The following USP25 variants were observed in gnomAD, a reference collection of about 807,000 sequenced individuals.
USP25 encodes the protein ubiquitin carboxyl-terminal hydrolase 25.
A neutral mutation model predicts 158.5 loss-of-function variants in USP25; 85 were observed. The ratio of observed to expected loss-of-function variants is 0.54; its 90% CI spans 0.45 to 0.64. USP25 has a LOEUF of 0.64. USP25 is among the 30% of genes least tolerant of loss of function. The pLI is 0.00. For missense variants in USP25, 1,242 were observed against 1,327.3 expected, an observed-to-expected ratio of 0.94 and a Z score of 1.00; for synonymous variants, 464 against 460.4, an observed-to-expected ratio of 1.01 and a Z score of -0.10.
chr21:15,828,281 C>T (rs146498253), intron 14 of USP25, among the ~76,000 whole-genome samples: 19 of 152,224 alleles, frequency 1.2e-4, no homozygotes, highest in Non-Finnish European at 2.2e-4. Context: ...ATTAATCAAG[C>T]AAATAGTGTT....
At chr21:15,759,316 A>G (rs1003787977) in intron 1 of USP25, among the ~76,000 whole-genome samples, 20 of 152,228 alleles carry the variant, frequency 1.3e-4, no homozygotes, top group African/African-American at 4.8e-4. Context: ...TCTTAAGACA[A>G]GTCTCAATCA....
intron 4 of USP25, among the ~76,000 whole-genome samples, chr21:15,783,644 G>T (rs755481007): frequency 6.6e-6 from 1 of 151,898 alleles, no homozygotes; most frequent in Non-Finnish European, 1.5e-5. Context: ...GAATATATCC[G>T]GCAGTGCTAT....
intron 4 of USP25, among the ~76,000 whole-genome samples, chr21:15,789,840 C>T (rs1386670685): frequency 3.3e-5 from 5 of 151,974 alleles, no homozygotes; most frequent in Non-Finnish European, 5.9e-5. Flanking sequence ...TTATAAAAGT[C>T]AATAAAAAGT....
chr21:15,818,646 T>G, intron 9 of USP25, 52 bp from the exon 10 acceptor site: 1 of 1,496,938 alleles, frequency 6.7e-7, no homozygotes. Context: ...ACTCTTAATT[T>G]TAGTAGCCAG....
At position 15,826,407 on chromosome 21, in the gene USP25, T is replaced by C; in HGVS notation, c.1466+42T>C. On this transcript the variant is annotated intron_variant, in intron 13 of 25. Transcript: ENST00000400183. This position sits in a 1 kb window ranked among gnomAD's most constrained non-coding sequence, Gnocchi z 4.8. ...ATGCAAGAGACAGTTGTTACCTTTATTACACAATAATGTAACTGCTGCCTT... is the reference window on the plus strand; with the variant it reads ...ATGCAAGAGACAGTTGTTACCTTTACTACACAATAATGTAACTGCTGCCTT... 1 of 1,603,190 alleles carries C rather than the reference T, an allele frequency of 6.2e-7. No individual in the cohort carries two copies. The highest frequency in any genetic ancestry group is 8.5e-7 in the Non-Finnish European group (1 of 1,172,680).
chr21:15,855,914 T>G (rs2039114716), intron 20 of USP25, among the ~76,000 whole-genome samples: 1 of 152,260 alleles, frequency 6.6e-6, no homozygotes, highest in East Asian at 1.9e-4. Flanking sequence ...CATCTTTTAC[T>G]CTAGGTCCTT....
At chr21:15,786,493 C>A (rs576558244) in intron 4 of USP25, among the ~76,000 whole-genome samples, 1 of 152,090 alleles carries the variant, frequency 6.6e-6, no homozygotes, top group East Asian at 1.9e-4. Flanking sequence ...TCAATAAATG[C>A]GATACATCAC....
At chr21:15,871,630 A>G (rs1179156511) in intron 23 of USP25, among the ~76,000 whole-genome samples, 1 of 152,206 alleles carries the variant, frequency 6.6e-6, no homozygotes, top group East Asian at 1.9e-4. Flanking sequence ...CTATCCGGAT[A>G]GCTTCTGTAT....
At chr21:15,752,605 G>GA (rs919148988) in intron 1 of USP25, among the ~76,000 whole-genome samples, 104 of 152,334 alleles carry the variant, frequency 6.8e-4, no homozygotes, top group African/African-American at 2.4e-3. Flanking sequence ...TGTGGCAAGG[G>GA]AGGATGGAAA....
chr21:15,740,379 A>G (rs2031919727), intron 1 of USP25, among the ~76,000 whole-genome samples: 1 of 152,184 alleles, frequency 6.6e-6, no homozygotes, highest in Non-Finnish European at 1.5e-5. Flanking sequence ...ATATGGAAGC[A>G]GGGTCTTTGA....
intron 10 of USP25, among the ~76,000 whole-genome samples, chr21:15,823,623 T>C (rs946060010): frequency 2.0e-5 from 3 of 152,128 alleles, no homozygotes; most frequent in Non-Finnish European, 4.4e-5. Flanking sequence ...TTTTTTTGAG[T>C]ACTCCCTCTC....
chr21:15,869,983 G>T, intron 22 of USP25, 85 bp from the exon 23 acceptor site: 1 of 958,926 alleles, frequency 1.0e-6, no homozygotes, highest in South Asian at 2.0e-5. Context: ...AGATAGTAGC[G>T]AAACAGTGCA....
At chr21:15,812,602 G>A (rs1178936804) in intron 9 of USP25, among the ~76,000 whole-genome samples, 1 of 151,330 alleles carries the variant, frequency 6.6e-6, no homozygotes, top group Admixed American at 6.6e-5. Flanking sequence ...AGTGAGCTGA[G>A]ATCGGGCCAC....
At chr21:15,824,290 T>C (rs1568852822) in intron 11 of USP25, 124 bp downstream of exon 11, 2 of 1,097,530 alleles carry the variant, frequency 1.8e-6, no homozygotes, top group East Asian at 5.5e-5. Context: ...ATATACCTAA[T>C]ACCATTTGTC....
Position 15,862,663 on chromosome 21 carries a change from G to T in USP25, c.2548-1605G>T, listed in dbSNP as rs183537186. Among the ~76,000 whole-genome samples the T allele has an allele frequency of 2.2e-4, 33 of 146,768 alleles. 1 individual carries two copies. The East Asian group carries it at 5.0e-3, about 22-fold the overall frequency. ...TGTGCTACCTAGGCACACAGTAAGC[G>T]TTGATAATCTTAAATATTAAAATAC... On this transcript the variant is annotated intron_variant, in intron 20 of 25. Transcript: ENST00000400183.
intron 23 of USP25, among the ~76,000 whole-genome samples, chr21:15,874,006 G>GAAACA (rs1463997782): frequency 6.6e-6 from 1 of 151,948 alleles, no homozygotes; most frequent in East Asian, 1.9e-4. Flanking sequence ...AATGATGTTT[G>GAAACA]TGATCATTTA....
intron 7 of USP25, among the ~76,000 whole-genome samples, chr21:15,806,665 A>G (rs1256308895): frequency 6.6e-6 from 1 of 152,160 alleles, no homozygotes; most frequent in African/African-American, 2.4e-5. Context: ...TTTTCTTTAG[A>G]GGCCTTTTAA....
intron 21 of USP25, 84 bp downstream of exon 21, chr21:15,864,530 T>G: frequency 8.1e-7 from 1 of 1,229,398 alleles, no homozygotes; most frequent in Non-Finnish European, 1.1e-6. Flanking sequence ...TTTGAGTATT[T>G]ATTTTATATA....
In USP25 at chr21:15,763,008, G is replaced by C. The variant is rs2033823703; in HGVS notation, c.123+40G>C. ...TTATGATATACAGTTTGTGGTATATGCTCATCTCTAGTGCGTATTATATTT... is the reference window on the plus strand; with the variant it reads ...TTATGATATACAGTTTGTGGTATATCCTCATCTCTAGTGCGTATTATATTT... On this transcript the variant is annotated intron_variant, in intron 2 of 25. Coordinates refer to ENST00000400183, the MANE Select transcript of USP25 (RefSeq NM_001283041.3). 7 of 1,555,146 alleles carry C rather than the reference G, an allele frequency of 4.5e-6. No homozygotes were observed. In the East Asian group the frequency reaches 1.6e-4, roughly 35 times the overall value.
Sources: gnomAD v4.1 joint callset for allele counts (sites outside exome capture counted in the v4.1 genomes callset) on GRCh38, gnomAD v4.1.1 for gene constraint, Gnocchi (gnomAD v3.1) non-coding constraint, MANE v1.5 for transcripts, NCBI Gene and HGNC (gene_info 2026-07-23, HGNC 2026-07-21) for gene names.